The following SIAH3 variants were observed in gnomAD, a reference collection of about 807,000 sequenced individuals.
SIAH3 encodes seven in absentia homolog 3.
SIAH3 carries 9 observed loss-of-function variants against 12.6 expected under a neutral mutation model. That is an observed-to-expected ratio of 0.72 (90% CI 0.43 to 1.25). The LOEUF is 1.25. Among genes scored for constraint, SIAH3 ranks in the 50% most tolerant of loss-of-function variants. The pLI, the probability that SIAH3 is intolerant of heterozygous loss-of-function variation, is 0.00. For synonymous variants in SIAH3, 154 were observed against 151.1 expected (o/e 1.02, Z -0.14); for missense variants, 390 against 365.4 (o/e 1.07, Z -0.55).
rs1317112195 is a variant in SIAH3 at position 45,778,784 on chromosome 13, T to C, written c.*4599A>G. The stretch of plus-strand genomic sequence containing the variant: ...TACAACAATAAGAAATAATGCAGTA[T>C]AAAAACTATTGACATAGCATTTACA... On this transcript the variant is annotated 3_prime_UTR_variant, in exon 2 of 2. Coordinates refer to ENST00000400405, the MANE Select transcript of SIAH3 (RefSeq NM_198849.3). The C allele has an allele frequency of 1.3e-5, 2 of 152,184 alleles. No individual in the cohort carries two copies. The highest frequency in any genetic ancestry group is 2.9e-5 in the Non-Finnish European group (2 of 68,020). The allele number at this position is 152,184 out of a possible 1,614,324, so 9.4% of individuals were successfully genotyped here.
Position 45,782,252 on chromosome 13 carries a change from A to T in SIAH3, c.*1131T>A, listed in dbSNP as rs1326434351. ...ATACTGCAACAGGTGCTGAATACAT[A>T]CTTGAGCCGTGGTCACGTCTGCGTG... On this transcript the variant is annotated 3_prime_UTR_variant, in exon 2 of 2. Coordinates refer to ENST00000400405, the MANE Select transcript of SIAH3 (RefSeq NM_198849.3). 2 of 152,208 alleles carry T rather than the reference A, an allele frequency of 1.3e-5. No individual in the cohort carries two copies. The highest frequency in any genetic ancestry group is 2.9e-5 in the Non-Finnish European group (2 of 68,042). The allele number at this position is 152,208 out of a possible 1,614,324, so 9.4% of individuals were successfully genotyped here.
At chr13:45,804,825 C>T (rs1950593368) in intron 1 of SIAH3, among the ~76,000 whole-genome samples, 3 of 152,004 alleles carry the variant, frequency 2.0e-5, no homozygotes, top group Admixed American at 2.0e-4. Context: ...ACCCTAAAGG[C>T]TCCACCAAAA....
chr13:45,804,251 ATTG>A (rs1950591562), intron 1 of SIAH3, among the ~76,000 whole-genome samples: 1 of 152,140 alleles, frequency 6.6e-6, no homozygotes, highest in African/African-American at 2.4e-5. Context: ...ATATTAATAT[ATTG>A]TTATTACTAC....
intron 1 of SIAH3, among the ~76,000 whole-genome samples, chr13:45,843,427 C>T (rs1456111365): frequency 6.6e-6 from 1 of 152,106 alleles, no homozygotes; most frequent in Non-Finnish European, 1.5e-5. Context: ...ACTCAAGCCT[C>T]TGCTAATGAA....
At chr13:45,814,584 TTC>T (rs1005948147) in intron 1 of SIAH3, among the ~76,000 whole-genome samples, 32 of 152,254 alleles carry the variant, frequency 2.1e-4, no homozygotes, top group African/African-American at 6.7e-4. Flanking sequence ...GTAAGCTTCA[TTC>T]TCTCTCACCA....
At chr13:45,787,951 A>G (rs561295016) in intron 1 of SIAH3, among the ~76,000 whole-genome samples, 2 of 152,226 alleles carry the variant, frequency 1.3e-5, no homozygotes, top group East Asian at 3.9e-4. Flanking sequence ...GACTCTCCCA[A>G]TGCTTCCTTG....
At position 45,784,044 on chromosome 13, in the gene SIAH3, C is replaced by A; in HGVS notation, c.149G>T (p.Arg50Leu). The change falls in exon 2 of 2, where the codon CGG becomes CTG. Residue 50 changes from arginine (R) to leucine (L), a missense_variant. Arg to Leu is a moderately radical substitution (Grantham distance 102). Coordinates refer to ENST00000400405, the MANE Select transcript of SIAH3 (RefSeq NM_198849.3). ...PTHNLKYVSS[R>L]RAVTQSAPEQ... ...TGGAGCGCTCTGAGTGACGGCGCGC[C>A]GACTGGACACATACTGTAAGGAAAG... is the stretch of plus-strand genomic sequence containing the variant. 6.3e-7 allele frequency: 1 copy of A among 1,586,586 alleles called. No individual in the cohort carries two copies. The highest frequency in any genetic ancestry group is 8.6e-7 in the Non-Finnish European group (1 of 1,166,672).
At chr13:45,816,870 C>T (rs753930527) in intron 1 of SIAH3, among the ~76,000 whole-genome samples, 26 of 152,170 alleles carry the variant, frequency 1.7e-4, no homozygotes, top group Non-Finnish European at 3.4e-4. Context: ...GTGATTATTG[C>T]CAACCAGGTT....
rs889533517 is a variant in SIAH3 at position 45,780,020 on chromosome 13, A to G, written c.*3363T>C. On this transcript the variant is annotated 3_prime_UTR_variant, in exon 2 of 2. Coordinates refer to ENST00000400405, the MANE Select transcript of SIAH3 (RefSeq NM_198849.3). Reference sequence around the variant, plus strand: ...TTCAGATACTGGTAACTCATTTTTCACTGTTAAGTGCGCTGTCTCTCTAGG... The same window carrying G: ...TTCAGATACTGGTAACTCATTTTTCGCTGTTAAGTGCGCTGTCTCTCTAGG... The G allele has an allele frequency of 6.6e-6, 1 of 152,200 alleles. No homozygotes were observed. Among genetic ancestry groups the G allele is most frequent in the African/African-American group, 2.4e-5 (1 of 41,452 alleles). 9.4% of individuals were successfully genotyped at this position (152,200 alleles called of 1,614,324 possible).
At chr13:45,817,259 T>C (rs1950637876) in intron 1 of SIAH3, among the ~76,000 whole-genome samples, 1 of 152,258 alleles carries the variant, frequency 6.6e-6, no homozygotes, top group Non-Finnish European at 1.5e-5. Flanking sequence ...AATACCATTG[T>C]TACAATTGCC....
chr13:45,802,026 C>T (rs547777337), intron 1 of SIAH3, among the ~76,000 whole-genome samples: 3 of 152,124 alleles, frequency 2.0e-5, no homozygotes, highest in South Asian at 4.1e-4. Flanking sequence ...AGTTTGGGGC[C>T]GGGCGTGGTG....
intron 1 of SIAH3, among the ~76,000 whole-genome samples, chr13:45,814,743 T>TG (rs1950628251): frequency 6.6e-6 from 1 of 151,624 alleles, no homozygotes; most frequent in African/African-American, 2.4e-5. Flanking sequence ...TTTTTTTTTT[T>TG]GAGACAGAGG....
At position 45,843,032 on chromosome 13, in the gene SIAH3, C is replaced by CTGTGTGTGTGTGTGTG. The variant is rs746384493; in HGVS notation, c.135+8462_135+8463insCACACACACACACACA. Among the ~76,000 whole-genome samples, 1,053 of 126,904 alleles carry CTGTGTGTGTGTGTGTG rather than the reference C, an allele frequency of 8.3e-3. 9 individuals are homozygous for CTGTGTGTGTGTGTGTG. Among genetic ancestry groups the CTGTGTGTGTGTGTGTG allele is most frequent in the Admixed American group, 0.011 (131 of 11,976 alleles). 83.3% of individuals were successfully genotyped at this position (126,904 alleles called of 152,430 possible). A position where few individuals can be genotyped will look rare whatever the true frequency, so the allele number is the denominator to read the frequency against. ...ATTGCCATTATTTCTCTCTCTCTCT[C>CTGTGTGTGTGTGTGTG]TCTGTGTGTGTGTGTGTGTGTGTGT... On this transcript the variant is annotated intron_variant, in intron 1 of 1. Coordinates refer to ENST00000400405, the MANE Select transcript of SIAH3 (RefSeq NM_198849.3).
chr13:45,796,890 A>G (rs1950564694), intron 1 of SIAH3, among the ~76,000 whole-genome samples: 2 of 152,094 alleles, frequency 1.3e-5, no homozygotes, highest in Admixed American at 6.5e-5. Flanking sequence ...TTGACTCTAA[A>G]TCTTTGCCAG....
At chr13:45,785,378 C>T (rs1950524560) in intron 1 of SIAH3, among the ~76,000 whole-genome samples, 1 of 152,236 alleles carries the variant, frequency 6.6e-6, no homozygotes, top group South Asian at 2.1e-4. Context: ...CTTGCCTCCT[C>T]ACCCTGCTTC....
At position 45,783,269 on chromosome 13, in the gene SIAH3, T is replaced by TAAAAAAAA; in HGVS notation, c.*113_*114insTTTTTTTT. On this transcript the variant is annotated 3_prime_UTR_variant, in exon 2 of 2. Coordinates refer to ENST00000400405, the MANE Select transcript of SIAH3 (RefSeq NM_198849.3). ...ACAAAAAAATAATAATAATTAAAAA[T>TAAAAAAAA]TAAAAAAAAAAAAAAGAAAGGAGAA... is the stretch of plus-strand genomic sequence containing the variant. The TAAAAAAAA allele has an allele frequency of 1.6e-6, 1 of 645,118 alleles. No individual in the cohort carries two copies. Among genetic ancestry groups the TAAAAAAAA allele is most frequent in the East Asian group, 3.3e-5 (1 of 30,010 alleles). The allele number at this position is 645,118 out of a possible 1,614,324, so 40.0% of individuals were successfully genotyped here. A position where few individuals can be genotyped will look rare whatever the true frequency, so the allele number is the denominator to read the frequency against.
chr13:45,787,926 G>A (rs541911524), intron 1 of SIAH3, among the ~76,000 whole-genome samples: 1 of 152,266 alleles, frequency 6.6e-6, no homozygotes, highest in African/African-American at 2.4e-5. Context: ...CCCCAGCAAC[G>A]GTCATTTCCC....
intron 1 of SIAH3, among the ~76,000 whole-genome samples, chr13:45,819,759 C>T (rs542537527): frequency 1.3e-5 from 2 of 152,158 alleles, no homozygotes; most frequent in South Asian, 2.1e-4. Context: ...GACATCACTT[C>T]GGGGACCTAG....
chr13:45,798,084 CTTTCT>C (rs1192034661), intron 1 of SIAH3, among the ~76,000 whole-genome samples: 1 of 152,130 alleles, frequency 6.6e-6, no homozygotes, highest in African/African-American at 2.4e-5. Flanking sequence ...AGTTTATCTT[CTTTCT>C]TTTAACAGTA....
Sources: allele counts gnomAD v4.1 joint callset (sites outside exome capture counted in the v4.1 genomes callset), GRCh38; gene constraint gnomAD v4.1.1; transcripts MANE v1.5; gene names NCBI Gene and HGNC (gene_info 2026-07-23, HGNC 2026-07-21).